The following FAM177A1 variants were observed in gnomAD, a reference collection of about 807,000 sequenced individuals.
The protein encoded by FAM177A1 is family with sequence similarity 177 member A1.
A neutral mutation model predicts 26.1 loss-of-function variants in FAM177A1; 22 were observed. The ratio of observed to expected loss-of-function variants is 0.84; its 90% CI spans 0.60 to 1.20. The LOEUF (loss-of-function observed/expected upper bound fraction) is 1.20. Ranked by LOEUF, FAM177A1 falls within the 50% of genes most tolerant of loss-of-function variation. The pLI is 0.00. For synonymous variants in FAM177A1, 95 were observed against 99.3 expected, an observed-to-expected ratio of 0.96 and a Z score of 0.26; for missense variants, 296 against 291.1, an observed-to-expected ratio of 1.02 and a Z score of -0.12.
intron 2 of FAM177A1, among the ~76,000 whole-genome samples, chr14:35,071,099 C>T (rs943255282): frequency 6.6e-6 from 1 of 151,678 alleles, no homozygotes; most frequent in Admixed American, 6.6e-5. Flanking sequence ...CAGGTTCACG[C>T]CATTCTTCTG....
intron 2 of FAM177A1, among the ~76,000 whole-genome samples, chr14:35,075,958 ATGTGGAGAAATAGGAACACTTTTATAC>A (rs2045388165): frequency 6.6e-6 from 1 of 152,220 alleles, no homozygotes; most frequent in Non-Finnish European, 1.5e-5. Flanking sequence ...GCTGGACAGG[ATGTGGAGAAATAGGAACACTTTTATAC>A]TGTTGGTGGG....
intron 2 of FAM177A1, among the ~76,000 whole-genome samples, chr14:35,071,820 G>A (rs1367652850): frequency 6.6e-6 from 1 of 152,102 alleles, no homozygotes; most frequent in Admixed American, 6.5e-5. Flanking sequence ...CAACTACCCT[G>A]CACAGTTGAA....
At chr14:35,060,976 TTA>T (rs374493735) in intron 2 of FAM177A1, among the ~76,000 whole-genome samples, 99 of 152,346 alleles carry the variant, frequency 6.5e-4, no homozygotes, top group African/African-American at 2.2e-3. Flanking sequence ...CATATAACTA[TTA>T]TTACAGTGTA....
intron 2 of FAM177A1, among the ~76,000 whole-genome samples, chr14:35,075,448 TCAAGA>T (rs2045380195): frequency 6.6e-6 from 1 of 152,192 alleles, no homozygotes; most frequent in South Asian, 2.1e-4. Flanking sequence ...AAAAATTAAC[TCAAGA>T]TGGATTAAAG....
chr14:35,078,900 TAA>T (rs762079334), intron 3 of FAM177A1, 25 bp from the exon 4 acceptor site: 83 of 1,465,612 alleles, frequency 5.7e-5, no homozygotes, highest in Non-Finnish European at 7.0e-5. Context: ...TAGAATTATA[TAA>T]GTCTTTTAAC....
chr14:35,077,908 T>A (rs2045423035), intron 3 of FAM177A1, among the ~76,000 whole-genome samples: 1 of 152,234 alleles, frequency 6.6e-6, no homozygotes, highest in Non-Finnish European at 1.5e-5. Context: ...TTTATATTTC[T>A]ATTTCATTAA....
At chr14:35,051,547 AAATTACATACGTGT>A (rs2044971614) in intron 1 of FAM177A1, among the ~76,000 whole-genome samples, 1 of 152,012 alleles carries the variant, frequency 6.6e-6, no homozygotes, top group Non-Finnish European at 1.5e-5. Context: ...CAAGTAGCTG[AAATTACATACGTGT>A]ACCACCATGC....
intron 2 of FAM177A1, among the ~76,000 whole-genome samples, chr14:35,061,295 C>T (rs1247414965): frequency 1.3e-5 from 2 of 151,862 alleles, no homozygotes; most frequent in African/African-American, 2.4e-5. Flanking sequence ...GTTTCCTGTC[C>T]TGGCTGGCTC....
At chr14:35,069,579 C>T (rs1435556466) in intron 2 of FAM177A1, among the ~76,000 whole-genome samples, 1 of 152,110 alleles carries the variant, frequency 6.6e-6, no homozygotes, top group Non-Finnish European at 1.5e-5. Context: ...GCCACCGTGC[C>T]TGGCCCCATT....
intron 2 of FAM177A1, among the ~76,000 whole-genome samples, chr14:35,058,464 G>C (rs1353448480): frequency 6.6e-6 from 1 of 152,002 alleles, no homozygotes; most frequent in Non-Finnish European, 1.5e-5. Context: ...ATGTACTTTG[G>C]TGCTCTGTTA....
At chr14:35,053,560 C>A in intron 2 of FAM177A1, 109 bp downstream of exon 2, 1 of 919,214 alleles carries the variant, frequency 1.1e-6, no homozygotes, top group East Asian at 2.6e-5. Flanking sequence ...CAACTATATT[C>A]TTATTATAAA....
intron 2 of FAM177A1, among the ~76,000 whole-genome samples, chr14:35,058,278 A>C (rs1566668944): frequency 6.6e-6 from 1 of 151,886 alleles, no homozygotes; most frequent in Non-Finnish European, 1.5e-5. Flanking sequence ...GTTGGCCAGG[A>C]TGGTCTCGAT....
intron 2 of FAM177A1, among the ~76,000 whole-genome samples, chr14:35,071,232 C>T (rs1361846167): frequency 6.6e-6 from 1 of 151,564 alleles, no homozygotes; most frequent in Non-Finnish European, 1.5e-5. Context: ...CTCTTGACCT[C>T]GTGATCCACC....
At chr14:35,075,362 G>GTT (rs2045379106) in intron 2 of FAM177A1, among the ~76,000 whole-genome samples, 1 of 152,056 alleles carries the variant, frequency 6.6e-6, no homozygotes, top group Non-Finnish European at 1.5e-5. Flanking sequence ...TCTACCTATG[G>GTT]CTAGCCAGTT....
At chr14:35,059,326 T>C in intron 2 of FAM177A1, among the ~76,000 whole-genome samples, 1 of 152,152 alleles carries the variant, frequency 6.6e-6, no homozygotes, top group Non-Finnish European at 1.5e-5. Flanking sequence ...GTAGACAGCA[T>C]ATAGTTGGAT....
intron 2 of FAM177A1, among the ~76,000 whole-genome samples, chr14:35,058,402 C>A (rs1160531241): frequency 1.3e-5 from 2 of 152,132 alleles, no homozygotes; most frequent in Non-Finnish European, 2.9e-5. Context: ...CAGTCTTCAA[C>A]TATTATTGTT....
chr14:35,046,129 A>G, upstream of FAM177A1: 1 of 201,134 alleles, frequency 5.0e-6, no homozygotes, highest in Non-Finnish European at 1.0e-5. Context: ...GCCAGGCTTC[A>G]GGTACACGTA....
At chr14:35,078,374 C>T in intron 3 of FAM177A1, among the ~76,000 whole-genome samples, 1 of 152,156 alleles carries the variant, frequency 6.6e-6, no homozygotes, top group Non-Finnish European at 1.5e-5. Context: ...TTTTTTGAGA[C>T]AGAGTCTTGC....
intron 2 of FAM177A1, among the ~76,000 whole-genome samples, chr14:35,057,261 A>C (rs2045076170): frequency 6.6e-6 from 1 of 152,120 alleles, no homozygotes; most frequent in Admixed American, 6.6e-5. Context: ...GGGTCCTGCT[A>C]TATTGCCTAG....
Sources: gnomAD v4.1 joint callset for allele counts (sites outside exome capture counted in the v4.1 genomes callset) on GRCh38, gnomAD v4.1.1 for gene constraint, MANE v1.5 for transcripts, NCBI Gene and HGNC (gene_info 2026-07-23, HGNC 2026-07-21) for gene names.